Variants in UNC13A observed in about 807,000 individuals in gnomAD.
The protein encoded by UNC13A is unc-13 homolog A.
A neutral mutation model predicts 219.7 loss-of-function variants in UNC13A; 61 were observed. The ratio of observed to expected loss-of-function variants is 0.28; its 90% CI spans 0.23 to 0.34. The LOEUF is 0.34. Ranked by LOEUF, UNC13A falls within the 10% of genes least tolerant of loss-of-function variation. The pLI is 1.00. For missense variants in UNC13A, 1,476 were observed against 2,270.3 expected (o/e 0.65, Z 7.11); for synonymous variants, 920 against 884.6 (o/e 1.04, Z -0.71).
intron 36 of UNC13A, chr19:17,622,308 CCT>C (rs1326173878): frequency 6.2e-6 from 1 of 161,460 alleles, no homozygotes; most frequent in African/African-American, 2.4e-5. Flanking sequence ...ACAAGTGACT[CCT>C]CTCTGAGCCT....
intron 8 of UNC13A, among the ~76,000 whole-genome samples, chr19:17,660,313 A>G (rs1249763437): frequency 6.6e-6 from 1 of 151,630 alleles, no homozygotes; most frequent in Non-Finnish European, 1.5e-5. Flanking sequence ...TTATCTGCTT[A>G]TGAAGGGTAA....
intron 43 of UNC13A, among the ~76,000 whole-genome samples, chr19:17,606,982 G>T (rs776447365): frequency 2.6e-5 from 4 of 151,988 alleles, no homozygotes; most frequent in African/African-American, 9.7e-5. Context: ...ACAGGGTCAC[G>T]CCCAGCTTCT....
intron 31 of UNC13A, among the ~76,000 whole-genome samples, chr19:17,628,934 A>T (rs2076812764): frequency 6.6e-6 from 1 of 152,028 alleles, no homozygotes; most frequent in Non-Finnish European, 1.5e-5. Flanking sequence ...ACAAAACATG[A>T]TCAGACACGC....
At chr19:17,615,508 G>A (rs927175562) in intron 41 of UNC13A, among the ~76,000 whole-genome samples, 9 of 152,230 alleles carry the variant, frequency 5.9e-5, no homozygotes, top group African/African-American at 1.9e-4. Flanking sequence ...GCAAAACCCC[G>A]TCTCTACTAA....
chr19:17,606,132 G>A lies in UNC13A; in HGVS notation c.5034C>T (p.Asp1678=), dbSNP rs890020457. 1.9e-6 allele frequency: 3 copies of A among 1,593,378 alleles called. No individual in the cohort carries two copies. The highest frequency in any genetic ancestry group is 2.6e-6 in the Non-Finnish European group (3 of 1,171,766). The change falls in exon 44 of 44, where the codon GAC becomes GAT. Residue 1678 remains aspartate (D), a synonymous_variant. Coordinates refer to ENST00000519716, the MANE Select transcript of UNC13A (RefSeq NM_001080421.3). The part of the protein sequence containing the change: ...VLRILSQRSN[D]EVAKEFVKLK... ...GCTTCACGAACTCCTTGGCCACCTC[G>A]TCGTTGCTGCGCTGCGAGAGGATTC...
chr19:17,633,630 CATCT>C (rs2145014566), intron 26 of UNC13A, among the ~76,000 whole-genome samples: 2 of 152,232 alleles, frequency 1.3e-5, no homozygotes, highest in Admixed American at 6.5e-5. Flanking sequence ...TCCACCTACC[CATCT>C]ATCTATTCAT....
Position 17,666,881 on chromosome 19 carries a change from C to A in UNC13A, c.469-177G>T, listed in dbSNP as rs73009994. ...AAGGAGAGAAAGACACACACACACA[C>A]GAGAGAGAGAGAGAGAGAGAGAGAG... On this transcript the variant is annotated intron_variant, in intron 6 of 43. Transcript: ENST00000519716. Among the ~76,000 whole-genome samples the A allele has an allele frequency of 9.0e-3, 1,031 of 115,158 alleles. 4 individuals carry two copies. Among genetic ancestry groups the A allele is most frequent in the African/African-American group, 0.016 (396 of 25,336 alleles). 75.5% of individuals were successfully genotyped at this position (115,158 alleles called of 152,430 possible). A position where few individuals can be genotyped will look rare whatever the true frequency, so the allele number is the denominator to read the frequency against.
intron 1 of UNC13A, among the ~76,000 whole-genome samples, chr19:17,687,440 G>A (rs1421413269): frequency 6.6e-6 from 1 of 152,098 alleles, no homozygotes; most frequent in Non-Finnish European, 1.5e-5. Context: ...AAACGTGTTT[G>A]GGAGAACCGG....
chr19:17,674,570 T>C lies in UNC13A; in HGVS notation c.152+87A>G. The C allele has an allele frequency of 8.4e-7, 1 of 1,190,040 alleles. No individual in the cohort carries two copies. The allele number at this position is 1,190,040 out of a possible 1,614,324, so 73.7% of individuals were successfully genotyped here. The stretch of plus-strand genomic sequence containing the variant: ...AGGACAGAGGGGAGTCACCCGGGAT[T>C]CCCCAGTGTCCAGCTCTGCCCTGAG... On this transcript the variant is annotated intron_variant, in intron 3 of 43. Coordinates refer to ENST00000519716, the MANE Select transcript of UNC13A (RefSeq NM_001080421.3). The surrounding 1 kb of genome is among the most constrained non-coding windows in gnomAD (Gnocchi z 5.0).
chr19:17,642,242 A>G (rs1018261452), intron 20 of UNC13A, among the ~76,000 whole-genome samples: 1 of 152,114 alleles, frequency 6.6e-6, no homozygotes, highest in South Asian at 2.1e-4. Context: ...TTATCCATCC[A>G]TCATTCATCT....
chr19:17,661,358 C>T (rs570280750), intron 8 of UNC13A, among the ~76,000 whole-genome samples: 1 of 152,206 alleles, frequency 6.6e-6, no homozygotes, highest in South Asian at 2.1e-4. Context: ...GAGTGAAGGA[C>T]TCCCCAGTTG....
chr19:17,632,685 AG>A (rs1441481929), intron 28 of UNC13A, 96 bp downstream of exon 28: 6 of 1,569,772 alleles, frequency 3.8e-6, no homozygotes, highest in Non-Finnish European at 5.2e-6. Flanking sequence ...CCTGATGCCC[AG>A]GTAACCCTAA....
chr19:17,632,863 A>C lies in UNC13A; in HGVS notation c.3347T>G (p.Leu1116Arg). 6.2e-7 allele frequency: 1 copy of C among 1,613,944 alleles called. No individual in the cohort carries two copies. Among genetic ancestry groups the C allele is most frequent in the Non-Finnish European group, 8.5e-7 (1 of 1,179,890 alleles). ...GTAGAGCCATTTCACCTTGAAGTGGAGGTTCATGTAGTCGGCACTCTTGCA... is the reference window on the plus strand; with the variant it reads ...GTAGAGCCATTTCACCTTGAAGTGGCGGTTCATGTAGTCGGCACTCTTGCA... ...RLCKSADYMN[L>R]HFKVKWLYNE... The change falls in exon 28 of 44, where the codon CTC becomes CGC. Residue 1116 changes from leucine to arginine, a missense_variant. Physicochemically the swap from Leu to Arg is moderately radical, Grantham distance 102. Around this residue, in one of 14 missense-constraint regions of UNC13A, gnomAD observed 218 missense variants for 409.4 expected, o/e 0.53. Coordinates refer to ENST00000519716, the MANE Select transcript of UNC13A (RefSeq NM_001080421.3).
chr19:17,677,384 G>A (rs530075417), intron 1 of UNC13A, among the ~76,000 whole-genome samples: 37 of 144,602 alleles, frequency 2.6e-4, no homozygotes, highest in Non-Finnish European at 4.5e-4. Flanking sequence ...TTTTTTTAGG[G>A]ACGGAGTCTT....
At chr19:17,682,747 G>A (rs2080041892) in intron 1 of UNC13A, among the ~76,000 whole-genome samples, 1 of 152,120 alleles carries the variant, frequency 6.6e-6, no homozygotes, top group Non-Finnish European at 1.5e-5. Flanking sequence ...TGACATGTCT[G>A]TTTACTAGAT....
chr19:17,663,555 T>C lies in UNC13A; in HGVS notation c.536A>G (p.Tyr179Cys). Residue 179 changes from tyrosine to cysteine, a missense_variant, in exon 8 of 44, where the codon TAT (tyrosine) becomes TGT (cysteine). By Grantham distance (194) the Tyr-to-Cys change is radical. Around this residue, in one of 14 missense-constraint regions of UNC13A, gnomAD observed 203 missense variants for 301.6 expected, o/e 0.67. Transcript: ENST00000519716. Reference protein sequence around the residue: ...VPSNQCCNWNYFGWGEQHNDD... With the variant: ...VPSNQCCNWNCFGWGEQHNDD... ...ACTGTGCTGCTCACCCCAGCCAAAA[T>C]AATTCCAGTTGCCTACAAAGAGAAG... 1 of 1,612,116 alleles carries C rather than the reference T, an allele frequency of 6.2e-7. No individual in the cohort carries two copies. Among genetic ancestry groups the C allele is most frequent in the Non-Finnish European group, 8.5e-7 (1 of 1,179,264 alleles).
chr19:17,657,932 C>G, intron 9 of UNC13A, 130 bp downstream of exon 9: 1 of 852,066 alleles, frequency 1.2e-6, no homozygotes, highest in Non-Finnish European at 1.8e-6. Flanking sequence ...AATGTGAATT[C>G]TGCCCTCCTG....
At position 17,649,829 on chromosome 19, in the gene UNC13A, T is replaced by C. The variant is rs1264545187; in HGVS notation, c.1440-242A>G. Reference sequence around the variant, plus strand: ...AGTAGGGTAGACACTTAATCTAATATGACTGGTGTCCTTAGAAGAAGAGAT... The same window carrying C: ...AGTAGGGTAGACACTTAATCTAATACGACTGGTGTCCTTAGAAGAAGAGAT... On this transcript the variant is annotated intron_variant, in intron 12 of 43. Transcript: ENST00000519716. The surrounding 1 kb of genome is among the most constrained non-coding windows in gnomAD (Gnocchi z 4.4). 6.6e-6 allele frequency among the ~76,000 whole-genome samples: 1 copy of C among 152,184 alleles called. No individual in the cohort carries two copies. Among genetic ancestry groups the C allele is most frequent in the East Asian group, 1.9e-4 (1 of 5,200 alleles).
At chr19:17,639,602 CA>C in intron 23 of UNC13A, 77 bp from the exon 24 acceptor site, 1 of 1,480,344 alleles carries the variant, frequency 6.8e-7, no homozygotes, top group Non-Finnish European at 9.2e-7. Context: ...CAGGGGGATA[CA>C]AAGGCTCCCC....
Sources: gnomAD v4.1 joint callset for allele counts (sites outside exome capture counted in the v4.1 genomes callset) on GRCh38, gnomAD v4.1.1 for gene constraint, gnomAD v4.1.1 regional missense constraint, Gnocchi (gnomAD v3.1) non-coding constraint, MANE v1.5 for transcripts, NCBI Gene and HGNC (gene_info 2026-07-23, HGNC 2026-07-21) for gene names.